HABP4: variants seen among roughly 807,000 people sequenced by gnomAD.
HABP4 encodes intracellular hyaluronan-binding protein 4.
HABP4 carries 32 observed loss-of-function variants against 44.1 expected under a neutral mutation model. The observed-to-expected ratio is 0.73, with a 90% CI of 0.55 to 0.97. HABP4 has a LOEUF of 0.97. Ranked by LOEUF, HABP4 falls within the 50% of genes least tolerant of loss-of-function variation. HABP4 has a pLI of 0.00. For synonymous variants in HABP4, 216 were observed against 218.0 expected, an observed-to-expected ratio of 0.99 and a Z score of 0.08; for missense variants, 503 against 561.9, an observed-to-expected ratio of 0.90 and a Z score of 1.06.
chr9:96,467,813 A>T (rs1832628322), intron 4 of HABP4, among the ~76,000 whole-genome samples: 1 of 152,154 alleles, frequency 6.6e-6, no homozygotes, highest in Non-Finnish European at 1.5e-5. Flanking sequence ...GGCGTGAGCT[A>T]CCGTGCCCAG....
At chr9:96,481,769 C>T (rs184848119) in intron 5 of HABP4, among the ~76,000 whole-genome samples, 15 of 151,970 alleles carry the variant, frequency 9.9e-5, no homozygotes, top group Middle Eastern at 3.4e-3. Flanking sequence ...AATGAGTAAA[C>T]GACTGAATGC....
chr9:96,450,692 G>C lies in HABP4; in HGVS notation c.349+64G>C. ...CCCGCTGTGAGACTGGGGTCCCGGG[G>C]GCCGGTTTCAGGAGGAGGGGCCCGG... is the stretch of plus-strand genomic sequence containing the variant. On this transcript the variant is annotated intron_variant, in intron 1 of 7. Transcript: ENST00000375249. The surrounding 1 kb of genome is among the most constrained non-coding windows in gnomAD (Gnocchi z 4.8). 11 of 1,202,572 alleles carry C rather than the reference G, an allele frequency of 9.1e-6. No homozygotes were observed. The highest frequency in any genetic ancestry group is 9.3e-6 in the Non-Finnish European group (9 of 963,690). 74.5% of individuals were successfully genotyped at this position (1,202,572 alleles called of 1,614,324 possible).
Position 96,465,401 on chromosome 9 carries a change from C to A in HABP4, c.577C>A (p.Arg193Ser). 6.2e-7 allele frequency: 1 copy of A among 1,607,460 alleles called. No homozygotes were observed. The highest frequency in any genetic ancestry group is 1.1e-5 in the South Asian group (1 of 90,942). ...RGRGGPRGGM[R>S]GRGRGGPGNR... ...ACGTGGAGGCCCGAGAGGGGGTATGCGCGGCAGAGGCAGAGGTGGCCCTGG... is the reference window on the plus strand; with the variant it reads ...ACGTGGAGGCCCGAGAGGGGGTATGAGCGGCAGAGGCAGAGGTGGCCCTGG... The change falls in exon 3 of 8, where the codon CGC becomes AGC. Residue 193 changes from arginine (R) to serine (S), a missense_variant. Arg to Ser is a moderately radical substitution (Grantham distance 110). Coordinates refer to ENST00000375249, the MANE Select transcript of HABP4 (RefSeq NM_014282.4).
chr9:96,467,331 A>G (rs567896623), intron 4 of HABP4, among the ~76,000 whole-genome samples: 19 of 152,194 alleles, frequency 1.2e-4, no homozygotes, highest in African/African-American at 4.6e-4. Flanking sequence ...ACCATTGCTC[A>G]TTTGTGTTCT....
Position 96,451,434 on chromosome 9 carries a change from C to T in HABP4, c.349+806C>T, listed in dbSNP as rs888158790. 32 of 981,780 alleles carry T rather than the reference C, an allele frequency of 3.3e-5. No individual in the cohort carries two copies. The African/African-American group carries it at 5.4e-4, about 17-fold the overall frequency. The allele number at this position is 981,780 out of a possible 1,614,324, so 60.8% of individuals were successfully genotyped here. On this transcript the variant is annotated intron_variant, in intron 1 of 7. Transcript: ENST00000375249. ...CGAACTGCGTCAGTGGCAGAGCCAG[C>T]AACACTCCACCTGTGTTTCCTGTTT... is the stretch of plus-strand genomic sequence containing the variant.
chr9:96,472,522 C>T (rs1686676876), intron 5 of HABP4, among the ~76,000 whole-genome samples: 1 of 152,196 alleles, frequency 6.6e-6, no homozygotes, highest in Admixed American at 6.5e-5. Flanking sequence ...ACCTGCACGC[C>T]TCCTGGGCTC....
chr9:96,482,046 C>G (rs1461077159), intron 5 of HABP4, among the ~76,000 whole-genome samples: 1 of 151,926 alleles, frequency 6.6e-6, no homozygotes, highest in Non-Finnish European at 1.5e-5. Flanking sequence ...AGCGATTCTC[C>G]TGCCTCAGCC....
At chr9:96,472,150 C>T (rs1832709010) in intron 5 of HABP4, among the ~76,000 whole-genome samples, 1 of 152,172 alleles carries the variant, frequency 6.6e-6, no homozygotes, top group Non-Finnish European at 1.5e-5. Context: ...GCTGCTGTAA[C>T]TTGCTAGCAA....
chr9:96,484,555 T>C lies in HABP4; in HGVS notation c.921T>C (p.Pro307=). 1 of 1,593,766 alleles carries C rather than the reference T, an allele frequency of 6.3e-7. No homozygotes were observed. Among genetic ancestry groups the C allele is most frequent in the Non-Finnish European group, 8.6e-7 (1 of 1,161,378 alleles). The change falls in exon 6 of 8, where the codon CCT becomes CCC. Residue 307 remains proline (P), a synonymous_variant. Coordinates refer to ENST00000375249, the MANE Select transcript of HABP4 (RefSeq NM_014282.4). ...TTCAAGAACAGACCAGACCAAAGCC[T>C]GAGTTTAACATCCGGAAACCAGAAT... ...KNLQEQTRPK[P]EFNIRKPEST...
intron 5 of HABP4, among the ~76,000 whole-genome samples, chr9:96,481,409 CA>C (rs1425743920): frequency 6.6e-6 from 1 of 151,764 alleles, no homozygotes; most frequent in Non-Finnish European, 1.5e-5. Context: ...TCCCCTTAAA[CA>C]CTTTTGAGAT....
intron 1 of HABP4, among the ~76,000 whole-genome samples, chr9:96,456,912 C>T (rs1451566012): frequency 6.8e-6 from 1 of 146,310 alleles, no homozygotes; most frequent in Admixed American, 6.9e-5. Context: ...GTAAATATTG[C>T]ACATAGTGAG....
rs754824909 is a variant in HABP4 at position 96,458,329 on chromosome 9, C to T, written c.350-50C>T. 4.6e-6 allele frequency: 7 copies of T among 1,512,262 alleles called. No individual in the cohort carries two copies. The South Asian group carries it at 5.6e-5, about 12-fold the overall frequency. 93.7% of individuals were successfully genotyped at this position (1,512,262 alleles called of 1,614,324 possible). On this transcript the variant is annotated intron_variant, in intron 1 of 7. Transcript: ENST00000375249. ...AGTACCTGTAAAGTTTAATAGTGTGCTGTTGCAGATGTTGTGTTCCAGCTC... is the reference window on the plus strand; with the variant it reads ...AGTACCTGTAAAGTTTAATAGTGTGTTGTTGCAGATGTTGTGTTCCAGCTC...
intron 5 of HABP4, among the ~76,000 whole-genome samples, chr9:96,479,453 CTG>C (rs764528270): frequency 6.6e-6 from 1 of 151,846 alleles, no homozygotes; most frequent in African/African-American, 2.4e-5. Flanking sequence ...TAATTTAAAT[CTG>C]TTTTATAATT....
intron 1 of HABP4, among the ~76,000 whole-genome samples, chr9:96,452,742 C>T (rs1476726168): frequency 1.3e-5 from 2 of 151,936 alleles, no homozygotes; most frequent in Non-Finnish European, 2.9e-5. Flanking sequence ...GGTTTTGTAA[C>T]CCTAGTTGAT....
Position 96,452,729 on chromosome 9 carries a change from C to G in HABP4, c.349+2101C>G, listed in dbSNP as rs185258377. Among the ~76,000 whole-genome samples, 69 of 152,166 alleles carry G rather than the reference C, an allele frequency of 4.5e-4. 2 individuals are homozygous for G. The East Asian group carries it at 0.012, about 26-fold the overall frequency. ...AATGGGTGTCAAGGAGCTATTCTCT[C>G]AAGGTTTTGTAACCCTAGTTGATAA... On this transcript the variant is annotated intron_variant, in intron 1 of 7. Coordinates refer to ENST00000375249, the MANE Select transcript of HABP4 (RefSeq NM_014282.4).
At chr9:96,474,096 C>T (rs1832740966) in intron 5 of HABP4, among the ~76,000 whole-genome samples, 1 of 152,178 alleles carries the variant, frequency 6.6e-6, no homozygotes, top group African/African-American at 2.4e-5. Flanking sequence ...TTATCAGTAT[C>T]TGCTCTTATT....
rs768681392 is a variant in HABP4, at chr9:96,450,455, A to G, written c.176A>G (p.Asp59Gly). 23 of 1,246,198 alleles carry G rather than the reference A, an allele frequency of 1.8e-5. No individual in the cohort carries two copies. Among genetic ancestry groups the G allele is most frequent in the Admixed American group, 4.1e-5 (1 of 24,260 alleles). 77.2% of individuals were successfully genotyped at this position (1,246,198 alleles called of 1,614,324 possible). The change falls in exon 1 of 8, where the codon GAC (aspartate) becomes GGC (glycine). Residue 59 changes from aspartate (D) to glycine (G), a missense_variant. This residue lies in a region of HABP4 where 290 missense variants were observed against 300.5 expected (regional missense o/e 0.97). Transcript: ENST00000375249. The surrounding 1 kb of genome is among the most constrained non-coding windows in gnomAD (Gnocchi z 4.8). ...CAGCAGCTGCAGCGCAAGAGGCGCG[A>G]CGAGGCGGCGGCGGCGGCCGGGGCC... ...RQQQLQRKRRDEAAAAAGAGP... is the reference protein window; with the variant it reads ...RQQQLQRKRRGEAAAAAGAGP...
intron 2 of HABP4, 82 bp downstream of exon 2, chr9:96,458,623 TTTC>T (rs1832443313): frequency 1.9e-5 from 18 of 949,470 alleles, no homozygotes; most frequent in African/African-American, 1.0e-4. Context: ...CTTTTCTTTC[TTTC>T]TTTTTTTTTT....
chr9:96,481,549 C>T (rs1450334902), intron 5 of HABP4, among the ~76,000 whole-genome samples: 2 of 152,012 alleles, frequency 1.3e-5, no homozygotes, highest in Non-Finnish European at 2.9e-5. Context: ...TCAAGACCAG[C>T]ATGGGCTACA....
Sources: allele counts gnomAD v4.1 joint callset (sites outside exome capture counted in the v4.1 genomes callset), GRCh38; gene constraint gnomAD v4.1.1; regional missense constraint gnomAD v4.1.1; non-coding constraint Gnocchi (gnomAD v3.1); transcripts MANE v1.5; gene names NCBI Gene and HGNC (gene_info 2026-07-23, HGNC 2026-07-21).